The following NRROS variants were observed in gnomAD, a reference collection of about 807,000 sequenced individuals.
NRROS encodes negative regulator of reactive oxygen species.
A neutral mutation model predicts 12.0 loss-of-function variants in NRROS; 6 were observed. That is an observed-to-expected ratio of 0.50 (90% CI 0.27 to 0.98). The LOEUF is 0.98. Among genes scored for constraint, NRROS ranks in the 50% least tolerant of loss-of-function variants. The probability of loss-of-function intolerance (pLI) is 0.11; values close to 1 mark genes in which losing one functional copy is unlikely to be tolerated. For missense variants in NRROS, 857 were observed against 888.2 expected (o/e 0.96, Z 0.45); for synonymous variants, 462 against 410.2 (o/e 1.13, Z -1.53).
In NRROS at chr3:196,661,153, G is replaced by GC; in HGVS notation, c.1514dup (p.Leu506ThrfsTer62). The GC allele has an allele frequency of 6.2e-7, 1 of 1,612,290 alleles. No individual in the cohort carries two copies. The highest frequency in any genetic ancestry group is 1.1e-5 in the South Asian group (1 of 90,906). On this transcript the variant is annotated frameshift_variant, in exon 3 of 3. Transcript: ENST00000328557. LOFTEE classifies it low-confidence loss of function (END_TRUNC). Reference sequence around the variant, plus strand: ...CTGGGGGGTTCTGAATGGGAGCCTCGCCCCACTCCAGGATGTTGCCCCCAT... The same window carrying GC: ...CTGGGGGGTTCTGAATGGGAGCCTCGCCCCCACTCCAGGATGTTGCCCCCAT...
In NRROS at chr3:196,661,114, G is replaced by T; in HGVS notation, c.1471G>T (p.Asp491Tyr). The T allele has an allele frequency of 6.2e-7, 1 of 1,613,842 alleles. No homozygotes were observed. Among genetic ancestry groups the T allele is most frequent in the Non-Finnish European group, 8.5e-7 (1 of 1,179,798 alleles). Reference sequence around the variant, plus strand: ...CCAAGGGACCTCCCTGACCTACTTAGACCTCTCAAGCAACTGGGGGGTTCT... The same window carrying T: ...CCAAGGGACCTCCCTGACCTACTTATACCTCTCAAGCAACTGGGGGGTTCT... ...PFQGTSLTYL[D>Y]LSSNWGVLNG... Residue 491 changes from aspartate to tyrosine, a missense_variant, in exon 3 of 3, where the codon GAC becomes TAC. Transcript: ENST00000328557.
rs1737656577 is a variant in NRROS at position 196,660,793 on chromosome 3, A to G, written c.1150A>G (p.Ser384Gly). The G allele has an allele frequency of 6.2e-6, 10 of 1,613,662 alleles. No homozygotes were observed. Among genetic ancestry groups the G allele is most frequent in the Non-Finnish European group, 4.2e-6 (5 of 1,180,006 alleles). ...CGGAGCGCTCACCGAGCTGGACCTG[A>G]GCCACAACCAGCTGTCGGAGCTGCA... ...PPGALTELDL[S>G]HNQLSELHLA... is the part of the protein sequence containing the mutation. Residue 384 changes from serine (S) to glycine (G), a missense_variant, in exon 3 of 3, where the codon AGC (serine) becomes GGC (glycine). Ser to Gly is a moderately conservative substitution (Grantham distance 56). Coordinates refer to ENST00000328557, the MANE Select transcript of NRROS (RefSeq NM_198565.3). The surrounding 1 kb of genome is among the most constrained non-coding windows in gnomAD (Gnocchi z 7.7).
rs764333324 is a variant in NRROS, at chr3:196,654,852, C to G, written c.108+205C>G. The G allele has an allele frequency of 2.1e-4, 114 of 551,572 alleles. No homozygotes were observed. The highest frequency in any genetic ancestry group is 3.5e-4 in the Non-Finnish European group (108 of 311,532). The allele number at this position is 551,572 out of a possible 1,614,324, so 34.2% of individuals were successfully genotyped here. A position where few individuals can be genotyped will look rare whatever the true frequency, so the allele number is the denominator to read the frequency against. On this transcript the variant is annotated intron_variant, in intron 2 of 2. Transcript: ENST00000328557. This position sits in a 1 kb window ranked among gnomAD's most constrained non-coding sequence, Gnocchi z 4.4. ...CTTCCTGGGAAGAGCCAGGCAGTCC[C>G]TGCCCCGCCGTTCTCACGCCTGCTG...
At position 196,660,930 on chromosome 3, in the gene NRROS, T is replaced by C. The variant is rs770308685; in HGVS notation, c.1287T>C (p.Thr429=). The C allele has an allele frequency of 2.5e-5, 41 of 1,614,036 alleles. No individual in the cohort carries two copies. The highest frequency in any genetic ancestry group is 3.3e-5 in the Non-Finnish European group (39 of 1,180,042). ...TCTTCGCCAATGCTAGGAACATCAC[T>C]ACACTTGACATGAGCCACAATCAGA... is the stretch of plus-strand genomic sequence containing the variant. The part of the protein sequence containing the change: ...PGLFANARNI[T]TLDMSHNQIS... Residue 429 remains threonine, a synonymous_variant, in exon 3 of 3, where the codon ACT becomes ACC. Transcript: ENST00000328557. This position sits in a 1 kb window ranked among gnomAD's most constrained non-coding sequence, Gnocchi z 7.7.
chr3:196,659,492 A>G (rs777135361), intron 2 of NRROS, among the ~76,000 whole-genome samples: 3 of 151,740 alleles, frequency 2.0e-5, no homozygotes, highest in Non-Finnish European at 4.4e-5. Flanking sequence ...TATTTCCTGT[A>G]GAGACAGGAC....
intron 2 of NRROS, among the ~76,000 whole-genome samples, chr3:196,656,025 C>T (rs1369012776): frequency 6.6e-6 from 1 of 152,056 alleles, no homozygotes; most frequent in Non-Finnish European, 1.5e-5. Context: ...ACAAAAATTA[C>T]CCAGGCATGG....
In NRROS at chr3:196,654,862, G is replaced by C. The variant is rs927834410; in HGVS notation, c.108+215G>C. 4 of 538,134 alleles carry C rather than the reference G, an allele frequency of 7.4e-6. No homozygotes were observed. Among genetic ancestry groups the C allele is most frequent in the African/African-American group, 5.8e-5 (3 of 51,764 alleles). 33.3% of individuals were successfully genotyped at this position (538,134 alleles called of 1,614,324 possible). On this transcript the variant is annotated intron_variant, in intron 2 of 2. Transcript: ENST00000328557. This position sits in a 1 kb window ranked among gnomAD's most constrained non-coding sequence, Gnocchi z 4.4. ...AGAGCCAGGCAGTCCCTGCCCCGCC[G>C]TTCTCACGCCTGCTGAGGATAGGAG...
chr3:196,658,561 G>A (rs1430622431), intron 2 of NRROS, among the ~76,000 whole-genome samples: 11 of 152,142 alleles, frequency 7.2e-5, no homozygotes, highest in South Asian at 2.1e-4. Context: ...TTCTGTTGCC[G>A]TGCTGCACTT....
At chr3:196,640,665 C>T (rs1381679171) in intron 1 of NRROS, among the ~76,000 whole-genome samples, 1 of 152,208 alleles carries the variant, frequency 6.6e-6, no homozygotes, top group African/African-American at 2.4e-5. Context: ...CGTACTTCCC[C>T]ACGTACCCAG....
chr3:196,650,580 C>T (rs138307401), intron 1 of NRROS, among the ~76,000 whole-genome samples: 25 of 152,326 alleles, frequency 1.6e-4, no homozygotes, highest in African/African-American at 5.3e-4. Context: ...CGCACCTGTT[C>T]GCAACAAACA....
At chr3:196,642,449 A>C (rs948726564) in intron 1 of NRROS, among the ~76,000 whole-genome samples, 2 of 152,204 alleles carry the variant, frequency 1.3e-5, no homozygotes, top group African/African-American at 4.8e-5. Context: ...TTTACCAGGC[A>C]AGTCCCGGAG....
Position 196,661,707 on chromosome 3 carries a change from G to C in NRROS, c.2064G>C (p.Trp688Cys). 1 of 1,592,064 alleles carries C rather than the reference G, an allele frequency of 6.3e-7. No individual in the cohort carries two copies. The highest frequency in any genetic ancestry group is 8.5e-7 in the Non-Finnish European group (1 of 1,173,644). The change falls in exon 3 of 3, where the codon TGG (tryptophan) becomes TGC (cysteine). Residue 688 changes from tryptophan (W) to cysteine (C), a missense_variant. Transcript: ENST00000328557. ...LLQVIKSRCH[W>C]SSVY ...AGGTCATCAAGAGCCGCTGCCACTG[G>C]TCCTCCGTTTACTGACCTGGCTGTG...
intron 1 of NRROS, among the ~76,000 whole-genome samples, chr3:196,642,285 C>CAA (rs71621281): frequency 7.2e-4 from 66 of 92,030 alleles, no homozygotes; most frequent in African/African-American, 1.9e-3. Flanking sequence ...TATGCTTCGG[C>CAA]AAAAAAGAAA....
In NRROS at chr3:196,661,263, C is replaced by G. The variant is rs147324634; in HGVS notation, c.1620C>G (p.Asp540Glu). 408 of 1,613,926 alleles carry G rather than the reference C, an allele frequency of 2.5e-4. No individual in the cohort carries two copies. In the African/African-American group the frequency reaches 4.8e-3, roughly 19 times the overall value. ...TCTCTGGGTTTGGGAATCTCAGGGA[C>G]TTAGATCTGTCGGGGAATTGCTTGA... ...LDFSGFGNLR[D>E]LDLSGNCLTT... The change falls in exon 3 of 3, where the codon GAC (aspartate) becomes GAG (glutamate). Residue 540 changes from aspartate to glutamate, a missense_variant. Physicochemically the swap from Asp to Glu is conservative, Grantham distance 45 (BLOSUM62 2). Transcript: ENST00000328557.
In NRROS at chr3:196,654,088, G is replaced by A. The variant is rs146212097; in HGVS notation, c.-13-439G>A. Among the ~76,000 whole-genome samples, 636 of 152,214 alleles carry A rather than the reference G, an allele frequency of 4.2e-3. 2 individuals carry two copies. The highest frequency in any genetic ancestry group is 0.015 in the African/African-American group (613 of 41,526). The stretch of plus-strand genomic sequence containing the variant: ...GGCCCCCATCCGTGTTTCCGTCTCC[G>A]TCCACTCTCCAGTTGTTCATTCATT... On this transcript the variant is annotated intron_variant, in intron 1 of 2. Coordinates refer to ENST00000328557, the MANE Select transcript of NRROS (RefSeq NM_198565.3). This position sits in a 1 kb window ranked among gnomAD's most constrained non-coding sequence, Gnocchi z 4.4.
At chr3:196,641,772 A>G (rs1296339849) in intron 1 of NRROS, among the ~76,000 whole-genome samples, 1 of 152,184 alleles carries the variant, frequency 6.6e-6, no homozygotes, top group Non-Finnish European at 1.5e-5. Flanking sequence ...GTGTGCGTCC[A>G]CACTGCACAG....
At chr3:196,648,611 A>G (rs761360252) in intron 1 of NRROS, among the ~76,000 whole-genome samples, 5 of 151,966 alleles carry the variant, frequency 3.3e-5, no homozygotes, top group Admixed American at 6.6e-5. Context: ...TACTAAAAAT[A>G]CAAAATTAGC....
At chr3:196,642,258 CAAAA>C in intron 1 of NRROS, among the ~76,000 whole-genome samples, 1 of 97,120 alleles carries the variant, frequency 1.0e-5, no homozygotes, top group Non-Finnish European at 2.2e-5. Flanking sequence ...TAGCAAATGA[CAAAA>C]AACCAACGTA....
chr3:196,647,683 C>T (rs911490132), intron 1 of NRROS, among the ~76,000 whole-genome samples: 3 of 152,126 alleles, frequency 2.0e-5, no homozygotes, highest in African/African-American at 7.2e-5. Context: ...CTCAGCCTCC[C>T]GAGTAGCTGG....
Sources: gnomAD v4.1 joint callset for allele counts (sites outside exome capture counted in the v4.1 genomes callset) on GRCh38, gnomAD v4.1.1 for gene constraint, Gnocchi (gnomAD v3.1) non-coding constraint, MANE v1.5 for transcripts, NCBI Gene and HGNC (gene_info 2026-07-23, HGNC 2026-07-21) for gene names.